APOOL: variants seen among roughly 807,000 people sequenced by gnomAD.
APOOL encodes the protein apolipoprotein O like.
In APOOL, 12 loss-of-function variants were observed where a neutral mutation model predicts 23.1. The observed-to-expected ratio is 0.52, with a 90% CI of 0.33 to 0.84. The LOEUF is 0.84. APOOL is among the 40% of genes least tolerant of loss of function. The pLI is 0.02. For synonymous variants in APOOL, 77 were observed against 69.9 expected (o/e 1.10, Z -0.51); for missense variants, 212 against 199.6 (o/e 1.06, Z -0.37).
At chrX:85,072,113 A>C (rs1028083883) in intron 6 of APOOL, among the ~76,000 whole-genome samples, 6 of 112,014 alleles carry the variant, frequency 5.4e-5, no homozygotes, top group African/African-American at 1.9e-4. Flanking sequence ...CGTCTCAAAA[A>C]AAACAAACAA....
In APOOL at chrX:85,021,107, G is replaced by C. The variant is rs188527822; in HGVS notation, c.15+17180G>C. Among the ~76,000 whole-genome samples, 218 of 112,149 alleles carry C rather than the reference G, an allele frequency of 1.9e-3. 2 individuals are homozygous for C. Among genetic ancestry groups the C allele is most frequent in the African/African-American group, 6.4e-3 (198 of 30,892 alleles). ...AGGAACTCAGAGACACAGGCTCTAG[G>C]CCTGCCCAGTGTTAGGCCAGTCCCT... is the stretch of plus-strand genomic sequence containing the variant. On this transcript the variant is annotated intron_variant, in intron 1 of 8. Transcript: ENST00000373173.
chrX:85,074,721 A>T (rs1437348212), intron 8 of APOOL, among the ~76,000 whole-genome samples: 1 of 110,396 alleles, frequency 9.1e-6, no homozygotes, highest in Non-Finnish European at 1.9e-5. Context: ...TTTTAAAGGG[A>T]TGAGTCACAC....
intron 8 of APOOL, among the ~76,000 whole-genome samples, chrX:85,083,788 A>G (rs1924193535): frequency 8.9e-6 from 1 of 111,843 alleles, no homozygotes; most frequent in Non-Finnish European, 1.9e-5. Context: ...TAACATGTGA[A>G]CTAAATTATC....
rs865915103 is a variant in APOOL, at chrX:85,088,151, A to C, written c.*473A>C. On this transcript the variant is annotated 3_prime_UTR_variant, in exon 9 of 9. Coordinates refer to ENST00000373173, the MANE Select transcript of APOOL (RefSeq NM_198450.6). ...ATACATATTTATACATATATGTATA[A>C]ATACATACATATTTATACATATATG... 5 of 2,017 alleles carry C rather than the reference A, an allele frequency of 2.5e-3. No homozygotes were observed. Among genetic ancestry groups the C allele is most frequent in the East Asian group, 0.018 (1 of 55 alleles). 0.2% of individuals were successfully genotyped at this position (2,017 alleles called of 1,213,427 possible). A position where few individuals can be genotyped will look rare whatever the true frequency, so the allele number is the denominator to read the frequency against.
intron 8 of APOOL, 54 bp from the exon 9 acceptor site, chrX:85,087,535 CA>C: frequency 9.5e-7 from 1 of 1,055,000 alleles, no homozygotes; most frequent in Non-Finnish European, 1.3e-6. Context: ...TTCCCAGTAT[CA>C]AAAATAAATT....
In APOOL at chrX:85,065,058, G is replaced by T. The variant is rs181240495; in HGVS notation, c.395-2069G>T. On this transcript the variant is annotated intron_variant, in intron 5 of 8. Transcript: ENST00000373173. ...TAGTACTTGCTTTATGAATCTGGGT[G>T]TTCCTGTATTGAGTACATATATATT... is the stretch of plus-strand genomic sequence containing the variant. Among the ~76,000 whole-genome samples the T allele has an allele frequency of 6.0e-3, 664 of 111,574 alleles. 4 individuals carry two copies. Among genetic ancestry groups the T allele is most frequent in the African/African-American group, 0.02 (629 of 30,735 alleles).
At chrX:85,035,624 G>A (rs931605129) in intron 1 of APOOL, among the ~76,000 whole-genome samples, 9 of 110,896 alleles carry the variant, frequency 8.1e-5, no homozygotes, top group African/African-American at 2.3e-4. Flanking sequence ...GTTGATTTTC[G>A]TGTATGGTGA....
chrX:85,019,696 A>G (rs923261673), intron 1 of APOOL, among the ~76,000 whole-genome samples: 2 of 111,466 alleles, frequency 1.8e-5, no homozygotes, highest in African/African-American at 6.5e-5. Flanking sequence ...TGATTAAGAC[A>G]TGGTCTTGTG....
At chrX:85,034,700 G>A (rs1165269749) in intron 1 of APOOL, among the ~76,000 whole-genome samples, 1 of 112,048 alleles carries the variant, frequency 8.9e-6, no homozygotes, top group African/African-American at 3.2e-5. Flanking sequence ...ACTTATAAGT[G>A]AGAACATGCA....
chrX:85,006,289 A>G lies in APOOL; in HGVS notation c.15+2362A>G, dbSNP rs187364459. On this transcript the variant is annotated intron_variant, in intron 1 of 8. Transcript: ENST00000373173. ...GATTTACATATATTATTTTAGTTTA[A>G]TCCTCTTGATGACCCTAAGAAATGG... 1.1e-3 allele frequency among the ~76,000 whole-genome samples: 121 copies of G among 106,922 alleles called. 1 individual carries two copies. The highest frequency in any genetic ancestry group is 3.5e-3 in the African/African-American group (104 of 29,641). The allele number at this position is 106,922 out of a possible 115,157, so 92.8% of individuals were successfully genotyped here.
At chrX:85,030,483 T>A (rs1406073098) in intron 1 of APOOL, among the ~76,000 whole-genome samples, 1 of 111,519 alleles carries the variant, frequency 9.0e-6, no homozygotes, top group Admixed American at 9.5e-5. Flanking sequence ...CAAAAACCAC[T>A]TGTACCCCAA....
intron 8 of APOOL, among the ~76,000 whole-genome samples, chrX:85,082,352 C>G (rs1468711194): frequency 1.8e-5 from 2 of 111,065 alleles, no homozygotes; most frequent in Non-Finnish European, 3.8e-5. Flanking sequence ...TCAGGACCCT[C>G]AGCTGCAGGT....
intron 1 of APOOL, among the ~76,000 whole-genome samples, chrX:85,030,644 G>A (rs990154659): frequency 1.8e-5 from 2 of 111,914 alleles, no homozygotes; most frequent in African/African-American, 6.5e-5. Context: ...TCTAAATGAA[G>A]TAACTCAGGA....
intron 6 of APOOL, among the ~76,000 whole-genome samples, chrX:85,067,627 AAC>A (rs758966009): frequency 0.13 from 11,745 of 90,174 alleles, 620 homozygotes; most frequent in Middle Eastern, 0.21. Context: ...CTGAAGGTAA[AAC>A]ACACACACAC....
At chrX:85,034,186 A>G (rs1922136826) in intron 1 of APOOL, among the ~76,000 whole-genome samples, 1 of 111,597 alleles carries the variant, frequency 9.0e-6, no homozygotes, top group African/African-American at 3.3e-5. Context: ...ATAAAAAAAA[A>G]ATACCATTAG....
At chrX:85,009,199 A>G (rs774593789) in intron 1 of APOOL, among the ~76,000 whole-genome samples, 40 of 111,761 alleles carry the variant, frequency 3.6e-4, no homozygotes, top group Non-Finnish European at 6.4e-4. Flanking sequence ...ATCTGGGAGA[A>G]GAGACAATTT....
chrX:85,066,299 G>A (rs1018101334), intron 5 of APOOL, among the ~76,000 whole-genome samples: 2 of 111,352 alleles, frequency 1.8e-5, no homozygotes, highest in South Asian at 7.5e-4. Context: ...ACTAAGCTAT[G>A]GCTTAAAGTG....
intron 8 of APOOL, among the ~76,000 whole-genome samples, chrX:85,082,021 C>T (rs181769854): frequency 3.6e-5 from 4 of 111,522 alleles, no homozygotes; most frequent in South Asian, 7.6e-4. Context: ...AACTTCCTTG[C>T]GGTGGGTTCG....
intron 1 of APOOL, among the ~76,000 whole-genome samples, chrX:85,044,219 A>C (rs928878864): frequency 8.1e-5 from 9 of 110,497 alleles, no homozygotes; most frequent in Non-Finnish European, 1.7e-4. Flanking sequence ...TCAAGTTTAG[A>C]CAGTAAGTTC....
Sources: allele counts gnomAD v4.1 joint callset (sites outside exome capture counted in the v4.1 genomes callset), GRCh38; gene constraint gnomAD v4.1.1; transcripts MANE v1.5; gene names NCBI Gene and HGNC (gene_info 2026-07-23, HGNC 2026-07-21).